RASA1: variants seen among roughly 807,000 people sequenced by gnomAD.
The protein encoded by RASA1 is ras GTPase-activating protein 1.
RASA1 carries 25 observed loss-of-function variants against 132.2 expected under a neutral mutation model. The ratio of observed to expected loss-of-function variants is 0.19; its 90% confidence interval spans 0.14 to 0.26. RASA1 has a LOEUF of 0.26. Ranked by LOEUF, RASA1 falls within the 10% of genes least tolerant of loss-of-function variation. RASA1 has a pLI of 1.00. For synonymous variants in RASA1, 477 were observed against 449.9 expected, an observed-to-expected ratio of 1.06 and a Z score of -0.76; for missense variants, 964 against 1,299.2, an observed-to-expected ratio of 0.74 and a Z score of 3.97.
intron 1 of RASA1, among the ~76,000 whole-genome samples, chr5:87,309,088 G>C (rs1053828076): frequency 7.9e-5 from 12 of 152,068 alleles, no homozygotes; most frequent in African/African-American, 2.4e-4. Context: ...CTGGCTCTCA[G>C]TTTCCCAGTT....
chr5:87,283,571 A>G (rs1754415417), intron 1 of RASA1, among the ~76,000 whole-genome samples: 1 of 152,052 alleles, frequency 6.6e-6, no homozygotes, highest in African/African-American at 2.4e-5. Context: ...ATCACTGTTA[A>G]GTTTTTGTAT....
At chr5:87,282,634 C>G (rs1754366729) in intron 1 of RASA1, among the ~76,000 whole-genome samples, 3 of 152,214 alleles carry the variant, frequency 2.0e-5, no homozygotes, top group East Asian at 3.9e-4. Flanking sequence ...TTTGAATACC[C>G]TTTCAATTCC....
intron 11 of RASA1, among the ~76,000 whole-genome samples, chr5:87,364,765 C>T (rs1760380108): frequency 6.6e-6 from 1 of 152,144 alleles, no homozygotes. Flanking sequence ...AGAGAAAGGG[C>T]TGTAAGCATT....
chr5:87,295,363 A>G (rs1306389256), intron 1 of RASA1, among the ~76,000 whole-genome samples: 1 of 151,918 alleles, frequency 6.6e-6, no homozygotes, highest in Admixed American at 6.6e-5. Context: ...AATATTCACC[A>G]TATTTCTTAC....
chr5:87,319,974 A>C (rs1756665114), intron 1 of RASA1, among the ~76,000 whole-genome samples: 1 of 152,222 alleles, frequency 6.6e-6, no homozygotes, highest in Non-Finnish European at 1.5e-5. Context: ...CACATCTTGA[A>C]TGCTTTGCTG....
chr5:87,283,593 C>A (rs1406714132), intron 1 of RASA1, among the ~76,000 whole-genome samples: 1 of 151,984 alleles, frequency 6.6e-6, no homozygotes, highest in African/African-American at 2.4e-5. Context: ...TTATATATAT[C>A]TAAAATACAT....
At chr5:87,352,498 T>TA (rs1429022938) in intron 8 of RASA1, among the ~76,000 whole-genome samples, 2 of 151,670 alleles carry the variant, frequency 1.3e-5, no homozygotes, top group South Asian at 2.1e-4. Flanking sequence ...ACTTTATATT[T>TA]AAAAAAATAC....
chr5:87,294,042 C>G (rs1486888144), intron 1 of RASA1: 1 of 151,918 alleles, frequency 6.6e-6, no homozygotes, highest in African/African-American at 2.4e-5. Flanking sequence ...TTAATTTACT[C>G]TATTGATTTC....
intron 1 of RASA1, among the ~76,000 whole-genome samples, chr5:87,289,622 A>AT (rs976330825): frequency 1.3e-5 from 2 of 151,770 alleles, no homozygotes; most frequent in East Asian, 1.9e-4. Flanking sequence ...TATTATTATT[A>AT]TTTTTTCAGA....
chr5:87,336,532 T>A (rs974029935), intron 4 of RASA1, among the ~76,000 whole-genome samples: 3 of 152,106 alleles, frequency 2.0e-5, no homozygotes, highest in African/African-American at 7.2e-5. Context: ...TAGCCTGTTT[T>A]AGGGGGGATA....
chr5:87,331,215 T>G (rs1169233483), intron 1 of RASA1, 133 bp from the exon 2 acceptor site: 1 of 1,056,176 alleles, frequency 9.5e-7, no homozygotes, highest in Non-Finnish European at 1.5e-6. Flanking sequence ...TTGGAATAAC[T>G]GGTTCAGAGT....
intron 11 of RASA1, among the ~76,000 whole-genome samples, chr5:87,365,109 G>A (rs745410230): frequency 1.2e-4 from 19 of 152,148 alleles, no homozygotes; most frequent in Non-Finnish European, 2.6e-4. Context: ...GGTGGCTCTT[G>A]ATTCTTGGAG....
chr5:87,303,839 CT>C lies in RASA1; in HGVS notation c.540-27491del, dbSNP rs755878903. Among the ~76,000 whole-genome samples, 1,138 of 130,314 alleles carry C rather than the reference CT, an allele frequency of 8.7e-3. 10 individuals are homozygous for C. Among genetic ancestry groups the C allele is most frequent in the African/African-American group, 0.026 (944 of 35,904 alleles). 85.5% of individuals were successfully genotyped at this position (130,314 alleles called of 152,430 possible). A position where few individuals can be genotyped will look rare whatever the true frequency, so the allele number is the denominator to read the frequency against. ...GTCTGTTATCTTTGATACTTCTTGTCTTTTTTTTTTTTTTTTTTGAGGCAGA... is the reference window on the plus strand; with the variant it reads ...GTCTGTTATCTTTGATACTTCTTGTCTTTTTTTTTTTTTTTTTGAGGCAGA... On this transcript the variant is annotated intron_variant, in intron 1 of 24. Transcript: ENST00000274376.
At position 87,267,932 on chromosome 5, in the gene RASA1, C is replaced by T. The variant is rs1452824349; in HGVS notation, c.-520C>T. On this transcript the variant is annotated 5_prime_UTR_variant, in exon 1 of 25. Coordinates refer to ENST00000274376, the MANE Select transcript of RASA1 (RefSeq NM_002890.3). ...AGCAGTTCAGTCGATTTCCTCGTTA[C>T]CCCGCCCCCCTTTCTCTTGCCCCCC... The T allele has an allele frequency of 2.6e-6, 1 of 390,026 alleles. No homozygotes were observed. The allele number at this position is 390,026 out of a possible 1,614,324, so 24.2% of individuals were successfully genotyped here.
At chr5:87,323,940 T>C (rs1398021057) in intron 1 of RASA1, among the ~76,000 whole-genome samples, 1 of 152,190 alleles carries the variant, frequency 6.6e-6, no homozygotes, top group Non-Finnish European at 1.5e-5. Context: ...AGTTGCTTAA[T>C]TTGTCTGTCT....
At chr5:87,384,031 C>A (rs1390205292) in intron 21 of RASA1, among the ~76,000 whole-genome samples, 1 of 151,824 alleles carries the variant, frequency 6.6e-6, no homozygotes, top group Non-Finnish European at 1.5e-5. Flanking sequence ...TTTTTTCTAC[C>A]CCTATTTGTG....
intron 7 of RASA1, among the ~76,000 whole-genome samples, chr5:87,348,734 T>C (rs1759042631): frequency 6.6e-6 from 1 of 151,848 alleles, no homozygotes; most frequent in Non-Finnish European, 1.5e-5. Context: ...GCTGGGATTA[T>C]ATGCATGTAC....
Position 87,331,479 on chromosome 5 carries a change from T to A in RASA1, c.671T>A (p.Met224Lys). The change falls in exon 2 of 25, where the codon ATG becomes AAG. Residue 224 changes from methionine (M) to lysine (K), a missense_variant. Coordinates refer to ENST00000274376, the MANE Select transcript of RASA1 (RefSeq NM_002890.3). ...GSFVLSFLSQ[M>K]NVVNHFRIIA... Reference sequence around the variant, plus strand: ...TTTGTACTTTCATTTCTTAGCCAGATGAATGTTGTCAACCATTTTAGGTAA... The same window carrying A: ...TTTGTACTTTCATTTCTTAGCCAGAAGAATGTTGTCAACCATTTTAGGTAA... 6.2e-7 allele frequency: 1 copy of A among 1,613,876 alleles called. No individual in the cohort carries two copies. Among genetic ancestry groups the A allele is most frequent in the Non-Finnish European group, 8.5e-7 (1 of 1,179,834 alleles).
At chr5:87,276,454 G>C (rs1754064789) in intron 1 of RASA1, among the ~76,000 whole-genome samples, 1 of 152,112 alleles carries the variant, frequency 6.6e-6, no homozygotes, top group Non-Finnish European at 1.5e-5. Flanking sequence ...AGGATTTAGG[G>C]TATGATGATT....
Sources: gnomAD v4.1 joint callset for allele counts (sites outside exome capture counted in the v4.1 genomes callset) on GRCh38, gnomAD v4.1.1 for gene constraint, MANE v1.5 for transcripts, NCBI Gene and HGNC (gene_info 2026-07-23, HGNC 2026-07-21) for gene names.